The following CNTN5 variants were observed in gnomAD, a reference collection of about 807,000 sequenced individuals.
CNTN5 encodes the protein contactin-5.
A neutral mutation model predicts 129.1 loss-of-function variants in CNTN5; 77 were observed. That is an observed-to-expected ratio of 0.60 (90% CI 0.50 to 0.72). The LOEUF (loss-of-function observed/expected upper bound fraction) is 0.72. Among genes scored for constraint, CNTN5 ranks in the 30% least tolerant of loss-of-function variants. CNTN5 has a pLI of 0.00. For synonymous variants in CNTN5, 509 were observed against 465.6 expected (o/e 1.09, Z -1.20); for missense variants, 1,478 against 1,328.8 (o/e 1.11, Z -1.75).
At chr11:99,698,884 C>A in intron 3 of CNTN5, among the ~76,000 whole-genome samples, 1 of 144,156 alleles carries the variant, frequency 6.9e-6, no homozygotes. Flanking sequence ...GTAGTATAGA[C>A]AGTGTGGGAA....
chr11:99,721,915 C>A (rs2135032881), intron 3 of CNTN5, among the ~76,000 whole-genome samples: 1 of 152,210 alleles, frequency 6.6e-6, no homozygotes, highest in South Asian at 2.1e-4. Flanking sequence ...TAGATAAATG[C>A]AAATCAAAAC....
intron 1 of CNTN5, among the ~76,000 whole-genome samples, chr11:99,269,854 TA>T (rs1863092283): frequency 6.6e-6 from 1 of 151,948 alleles, no homozygotes; most frequent in African/African-American, 2.4e-5. Context: ...TTGATTTTCA[TA>T]AGTGACTGTT....
chr11:99,657,940 A>T (rs1335743258), intron 3 of CNTN5, among the ~76,000 whole-genome samples: 1 of 152,120 alleles, frequency 6.6e-6, no homozygotes, highest in African/African-American at 2.4e-5. Flanking sequence ...ACTGAGGCCC[A>T]CTCTAATGGA....
intron 6 of CNTN5, among the ~76,000 whole-genome samples, chr11:99,883,804 A>G (rs963559242): frequency 2.6e-5 from 4 of 152,212 alleles, no homozygotes; most frequent in African/African-American, 7.2e-5. Flanking sequence ...GCTTTCTTTA[A>G]GAACAGCATG....
chr11:99,391,225 C>A (rs958663683), intron 2 of CNTN5, among the ~76,000 whole-genome samples: 9 of 152,082 alleles, frequency 5.9e-5, no homozygotes, highest in Non-Finnish European at 1.0e-4. Context: ...ACTCTCAAAT[C>A]TGGTTCTTGA....
chr11:99,805,038 G>A (rs1000684196), intron 3 of CNTN5, among the ~76,000 whole-genome samples: 35 of 152,150 alleles, frequency 2.3e-4, no homozygotes, highest in Admixed American at 6.6e-4. Flanking sequence ...ATTAAAGTCT[G>A]AGAGAAAACA....
intron 7 of CNTN5, among the ~76,000 whole-genome samples, chr11:99,956,115 T>C (rs1360349523): frequency 1.3e-5 from 2 of 152,116 alleles, no homozygotes; most frequent in Non-Finnish European, 2.9e-5. Flanking sequence ...ATTTTATGAA[T>C]GCATATTATT....
intron 8 of CNTN5, among the ~76,000 whole-genome samples, chr11:99,999,466 C>G (rs554840051): frequency 1.6e-4 from 25 of 152,306 alleles, no homozygotes; most frequent in African/African-American, 5.3e-4. Flanking sequence ...GATACCATCT[C>G]ACACCAGTTA....
intron 10 of CNTN5, among the ~76,000 whole-genome samples, chr11:100,065,098 T>C (rs1401096493): frequency 6.6e-6 from 1 of 152,112 alleles, no homozygotes; most frequent in East Asian, 1.9e-4. Flanking sequence ...AAAATATTCC[T>C]TTATCCAGAA....
At chr11:99,377,164 G>A (rs191773639) in intron 2 of CNTN5, among the ~76,000 whole-genome samples, 2 of 152,064 alleles carry the variant, frequency 1.3e-5, no homozygotes, top group East Asian at 3.9e-4. Flanking sequence ...GGAGGTGTGA[G>A]GAATGAAACA....
At chr11:99,964,972 T>C (rs1399259840) in intron 8 of CNTN5, among the ~76,000 whole-genome samples, 1 of 152,236 alleles carries the variant, frequency 6.6e-6, no homozygotes, top group Non-Finnish European at 1.5e-5. Context: ...TATTCTCTGA[T>C]GGTAGTTTGT....
At chr11:99,985,478 T>G (rs1938616801) in intron 8 of CNTN5, among the ~76,000 whole-genome samples, 1 of 152,094 alleles carries the variant, frequency 6.6e-6, no homozygotes, top group Non-Finnish European at 1.5e-5. Context: ...AGGCACAGGA[T>G]GATGGGTAGG....
At chr11:100,236,543 A>G (rs548100314) in intron 16 of CNTN5, among the ~76,000 whole-genome samples, 1 of 152,264 alleles carries the variant, frequency 6.6e-6, no homozygotes, top group South Asian at 2.1e-4. Flanking sequence ...CCTGCTTCAC[A>G]TGACCTGGCT....
intron 3 of CNTN5, among the ~76,000 whole-genome samples, chr11:99,653,850 G>T (rs1474518151): frequency 6.6e-6 from 1 of 151,894 alleles, no homozygotes; most frequent in African/African-American, 2.4e-5. Flanking sequence ...TAATTTTATA[G>T]AATTTTTTTT....
intron 20 of CNTN5, among the ~76,000 whole-genome samples, chr11:100,300,702 C>A (rs1306206228): frequency 5.3e-5 from 8 of 151,536 alleles, no homozygotes; most frequent in Admixed American, 1.3e-4. Flanking sequence ...AATTTTAAAG[C>A]AGAATCAGAA....
chr11:99,730,476 C>T (rs1943493835), intron 3 of CNTN5, among the ~76,000 whole-genome samples: 1 of 152,162 alleles, frequency 6.6e-6, no homozygotes, highest in Admixed American at 6.5e-5. Context: ...TTTATGCCAT[C>T]TTAGGGCTGC....
chr11:99,475,032 T>A (rs1004773002), intron 2 of CNTN5, among the ~76,000 whole-genome samples: 1 of 151,880 alleles, frequency 6.6e-6, no homozygotes, highest in African/African-American at 2.4e-5. Flanking sequence ...CCCTCATGAA[T>A]GTGGGATTAG....
chr11:99,846,938 T>C (rs1947717894), intron 6 of CNTN5, among the ~76,000 whole-genome samples: 1 of 152,188 alleles, frequency 6.6e-6, no homozygotes, highest in African/African-American at 2.4e-5. Context: ...TTGGAAAATA[T>C]TATGTGGTGT....
intron 18 of CNTN5, among the ~76,000 whole-genome samples, 186 bp from the exon 19 acceptor site, chr11:100,297,439 A>T (rs1478940843): frequency 6.6e-6 from 1 of 150,902 alleles, no homozygotes; most frequent in Non-Finnish European, 1.5e-5. Flanking sequence ...AGTGGTCATG[A>T]AAAAAAAAGT....
Sources: gnomAD v4.1 joint callset for allele counts (sites outside exome capture counted in the v4.1 genomes callset) on GRCh38, gnomAD v4.1.1 for gene constraint, MANE v1.5 for transcripts, NCBI Gene and HGNC (gene_info 2026-07-23, HGNC 2026-07-21) for gene names.